UVRAG: variants seen among roughly 807,000 people sequenced by gnomAD.
UVRAG encodes UV radiation resistance-associated gene protein.
Under a neutral mutation model 78.0 loss-of-function variants are expected in UVRAG, and 19 were observed. That is an observed-to-expected ratio of 0.24 (90% CI 0.17 to 0.36). UVRAG has a LOEUF of 0.36. Ranked by LOEUF, UVRAG falls within the 10% of genes least tolerant of loss-of-function variation. The pLI, the probability that UVRAG is intolerant of heterozygous loss-of-function variation, is 1.00. For synonymous variants in UVRAG, 323 were observed against 324.6 expected (o/e 1.00, Z 0.05); for missense variants, 740 against 853.8 (o/e 0.87, Z 1.66).
chr11:75,889,026 G>A (rs1947156069), intron 5 of UVRAG, 123 bp downstream of exon 5: 3 of 771,626 alleles, frequency 3.9e-6, no homozygotes, highest in Admixed American at 3.4e-5. Flanking sequence ...TTGTTGCTTA[G>A]TGTGGCTTAA....
At chr11:76,031,777 T>G (rs1950442824) in intron 12 of UVRAG, among the ~76,000 whole-genome samples, 1 of 152,206 alleles carries the variant, frequency 6.6e-6, no homozygotes, top group Non-Finnish European at 1.5e-5. Context: ...ATGTCCCACA[T>G]TCAATACTGT....
chr11:75,907,758 G>T (rs1200914445), intron 5 of UVRAG, among the ~76,000 whole-genome samples: 1 of 151,658 alleles, frequency 6.6e-6, no homozygotes, highest in Non-Finnish European at 1.5e-5. Context: ...CTAACTCCTG[G>T]GCTCTAGTGA....
At chr11:75,899,371 C>A (rs1397660474) in intron 5 of UVRAG, among the ~76,000 whole-genome samples, 1 of 152,030 alleles carries the variant, frequency 6.6e-6, no homozygotes, top group Non-Finnish European at 1.5e-5. Flanking sequence ...AAAAAAACTA[C>A]CATTGCCAGT....
intron 12 of UVRAG, among the ~76,000 whole-genome samples, chr11:76,019,040 C>T (rs1950195808): frequency 6.6e-6 from 1 of 152,102 alleles, no homozygotes. Flanking sequence ...TTTCTTTTGT[C>T]TCCTCTGACT....
chr11:76,030,840 C>G (rs751195080), intron 12 of UVRAG, among the ~76,000 whole-genome samples: 2 of 152,140 alleles, frequency 1.3e-5, no homozygotes, highest in South Asian at 2.1e-4. Flanking sequence ...GAACTATTCT[C>G]TCTATATAGT....
intron 6 of UVRAG, among the ~76,000 whole-genome samples, chr11:75,929,314 CTG>C (rs1014607528): frequency 6.6e-6 from 1 of 152,168 alleles, no homozygotes; most frequent in African/African-American, 2.4e-5. Flanking sequence ...TATTGAGAAT[CTG>C]TTGTTAGTAG....
At chr11:76,139,987 A>C (rs1259265021) in intron 14 of UVRAG, among the ~76,000 whole-genome samples, 2 of 140,790 alleles carry the variant, frequency 1.4e-5, no homozygotes, top group African/African-American at 5.3e-5. Context: ...TTAGTTTTTC[A>C]TTTTAAAAAA....
chr11:76,083,125 A>T (rs1951529419), intron 13 of UVRAG, among the ~76,000 whole-genome samples: 1 of 152,194 alleles, frequency 6.6e-6, no homozygotes, highest in Admixed American at 6.5e-5. Context: ...ACAAAAAAGA[A>T]TATCTGCTTT....
chr11:75,944,449 C>A (rs988371462), intron 6 of UVRAG, among the ~76,000 whole-genome samples: 3 of 152,102 alleles, frequency 2.0e-5, no homozygotes, highest in African/African-American at 7.2e-5. Context: ...TGATGACTTG[C>A]TATCTAGAGG....
At chr11:76,027,855 G>C (rs1950358205) in intron 12 of UVRAG, among the ~76,000 whole-genome samples, 1 of 152,108 alleles carries the variant, frequency 6.6e-6, no homozygotes, top group African/African-American at 2.4e-5. Flanking sequence ...TCATCTTTAA[G>C]TCAATGGTCT....
chr11:76,036,301 C>A (rs1950533367), intron 12 of UVRAG, among the ~76,000 whole-genome samples: 1 of 152,152 alleles, frequency 6.6e-6, no homozygotes, highest in Non-Finnish European at 1.5e-5. Flanking sequence ...GTAATCTGAA[C>A]ACTTTGGGAG....
At chr11:75,834,962 C>A (rs755611125) in intron 1 of UVRAG, among the ~76,000 whole-genome samples, 50 of 152,108 alleles carry the variant, frequency 3.3e-4, no homozygotes, top group Non-Finnish European at 5.3e-4. Flanking sequence ...ATGTGAGCCA[C>A]CATGCCCGAC....
chr11:75,929,215 A>C (rs572468434), intron 6 of UVRAG, among the ~76,000 whole-genome samples: 2 of 152,214 alleles, frequency 1.3e-5, no homozygotes, highest in Admixed American at 1.3e-4. Context: ...ATTTTATGAC[A>C]AATTAGGTGC....
intron 11 of UVRAG, among the ~76,000 whole-genome samples, chr11:76,014,986 A>C (rs1950120712): frequency 6.6e-6 from 1 of 152,132 alleles, no homozygotes; most frequent in Non-Finnish European, 1.5e-5. Context: ...TTAGAGCATG[A>C]CTCAGTAGTT....
At chr11:76,134,092 C>T (rs1288839336) in intron 14 of UVRAG, among the ~76,000 whole-genome samples, 2 of 151,756 alleles carry the variant, frequency 1.3e-5, no homozygotes, top group Admixed American at 6.6e-5. Flanking sequence ...TCCCGTGCAG[C>T]TGGGATTACA....
chr11:75,988,140 T>C (rs1949537097), intron 8 of UVRAG, among the ~76,000 whole-genome samples: 1 of 152,250 alleles, frequency 6.6e-6, no homozygotes, highest in Non-Finnish European at 1.5e-5. Flanking sequence ...AGGTATATTT[T>C]ACAATCAAAT....
At chr11:75,828,639 T>C (rs561718115) in intron 1 of UVRAG, among the ~76,000 whole-genome samples, 1 of 149,152 alleles carries the variant, frequency 6.7e-6, no homozygotes, top group African/African-American at 2.5e-5. Context: ...CCACCATGCC[T>C]GGCTAATTTA....
At chr11:76,079,692 G>T (rs528705702) in intron 13 of UVRAG, among the ~76,000 whole-genome samples, 2 of 152,238 alleles carry the variant, frequency 1.3e-5, no homozygotes, top group South Asian at 4.1e-4. Flanking sequence ...CTCATAAGAA[G>T]CTCATATACT....
At chr11:75,983,362 T>C (rs754026517) in intron 7 of UVRAG, 25 bp from the exon 8 acceptor site, 1 of 1,554,724 alleles carries the variant, frequency 6.4e-7, no homozygotes, top group East Asian at 2.3e-5. Flanking sequence ...TATTCATAAA[T>C]ATACCTGTGA....
Sources: allele counts gnomAD v4.1 joint callset (sites outside exome capture counted in the v4.1 genomes callset), GRCh38; gene constraint gnomAD v4.1.1; transcripts MANE v1.5; gene names NCBI Gene and HGNC (gene_info 2026-07-23, HGNC 2026-07-21).